MGAT4C: variants seen among roughly 807,000 people sequenced by gnomAD.
MGAT4C encodes alpha-1,3-mannosyl-glycoprotein 4-beta-N-acetylglucosaminyltransferase C.
MGAT4C carries 19 observed loss-of-function variants against 40.1 expected under a neutral mutation model. The ratio of observed to expected loss-of-function variants is 0.47; its 90% CI spans 0.33 to 0.70. The LOEUF (loss-of-function observed/expected upper bound fraction) is 0.70. MGAT4C is among the 30% of genes least tolerant of loss of function. The pLI is 0.02. For synonymous variants in MGAT4C, 181 were observed against 187.1 expected (o/e 0.97, Z 0.27); for missense variants, 491 against 563.2 (o/e 0.87, Z 1.30).
At position 86,726,202 on chromosome 12, in the gene MGAT4C, C is replaced by T. The variant is rs558022525; in HGVS notation, c.-229+1007G>A. Among the ~76,000 whole-genome samples, 4 of 152,278 alleles carry T rather than the reference C, an allele frequency of 2.6e-5. No homozygotes were observed. The South Asian group carries it at 8.3e-4, about 32-fold the overall frequency. On this transcript the variant is annotated intron_variant, in intron 2 of 7. Coordinates refer to the MGAT4C transcript ENST00000548651. ...ATGTCATAAATATAGCTATGTCTTC[C>T]TCCTAACATTTAAGAAAAAGTTTAT...
chr12:85,993,032 A>C (rs1886146187), intron 2 of MGAT4C, among the ~76,000 whole-genome samples: 2 of 152,224 alleles, frequency 1.3e-5, no homozygotes, highest in Admixed American at 6.5e-5. Context: ...GGCAGGTCCC[A>C]GTCTCAACTG....
intron 2 of MGAT4C, among the ~76,000 whole-genome samples, chr12:86,598,903 A>T (rs942396693): frequency 1.3e-5 from 2 of 152,156 alleles, no homozygotes; most frequent in Admixed American, 6.5e-5. Context: ...TGTCTACACC[A>T]TTTTGTTTAG....
rs1191553497 is a variant in MGAT4C at position 86,177,264 on chromosome 12, T to C, written c.-57+78975A>G. ...GAGAAAGTAATGATGATACTCAGTATGAAAATAGATATTCTGATGGCATTA... is the reference window on the plus strand; with the variant it reads ...GAGAAAGTAATGATGATACTCAGTACGAAAATAGATATTCTGATGGCATTA... On this transcript the variant is annotated intron_variant, in intron 1 of 4. Transcript: ENST00000611864. 2.6e-5 allele frequency among the ~76,000 whole-genome samples: 4 copies of C among 152,210 alleles called. No homozygotes were observed. In the East Asian group the frequency reaches 7.7e-4, roughly 29 times the overall value.
chr12:86,143,611 G>A (rs747097226), intron 1 of MGAT4C, among the ~76,000 whole-genome samples: 21 of 152,090 alleles, frequency 1.4e-4, no homozygotes, highest in Non-Finnish European at 2.6e-4. Flanking sequence ...GGTACTTAAG[G>A]TTCTTTGCTG....
At chr12:86,387,988 T>A (rs1401550882) in intron 3 of MGAT4C, among the ~76,000 whole-genome samples, 1 of 152,194 alleles carries the variant, frequency 6.6e-6, no homozygotes, top group African/African-American at 2.4e-5. Flanking sequence ...AAGATATTAA[T>A]GCTCAGACAC....
chr12:86,783,868 G>C (rs1054177031), intron 1 of MGAT4C, among the ~76,000 whole-genome samples: 1 of 151,984 alleles, frequency 6.6e-6, no homozygotes, highest in African/African-American at 2.4e-5. Context: ...ATTTCTTTTG[G>C]GCATCAAGGA....
intron 2 of MGAT4C, among the ~76,000 whole-genome samples, chr12:86,680,154 A>C (rs1489049536): frequency 6.6e-6 from 1 of 152,034 alleles, no homozygotes; most frequent in African/African-American, 2.4e-5. Context: ...TATTTGACAC[A>C]CAGTAGATGA....
intron 1 of MGAT4C, among the ~76,000 whole-genome samples, chr12:86,837,544 C>T (rs1953061431): frequency 6.6e-6 from 1 of 152,110 alleles, no homozygotes; most frequent in South Asian, 2.1e-4. Context: ...CCAGTCCATA[C>T]AGCAGCAGGT....
chr12:86,252,038 T>G (rs931283496), intron 1 of MGAT4C, among the ~76,000 whole-genome samples: 1 of 152,064 alleles, frequency 6.6e-6, no homozygotes, highest in African/African-American at 2.4e-5. Flanking sequence ...TACTGCTTAA[T>G]AGCTCTAGAT....
At chr12:86,223,606 G>T (rs921535131) in intron 1 of MGAT4C, among the ~76,000 whole-genome samples, 1 of 152,088 alleles carries the variant, frequency 6.6e-6, no homozygotes, top group Admixed American at 6.6e-5. Flanking sequence ...GAACCACCCT[G>T]CCCCTGCCTA....
Position 86,079,893 on chromosome 12 carries a change from A to C in MGAT4C, c.-56-30170T>G, listed in dbSNP as rs889308541. ...AATTTACAGCTCTTAACTCACTGTC[A>C]TTCCAGGTCGTGCTCATTGAAATGA... On this transcript the variant is annotated intron_variant, in intron 1 of 4. Transcript: ENST00000611864. Among the ~76,000 whole-genome samples, 6 of 152,134 alleles carry C rather than the reference A, an allele frequency of 3.9e-5. No homozygotes were observed. In the East Asian group the frequency reaches 1.2e-3, roughly 29 times the overall value.
At chr12:86,479,349 G>A (rs1957894926) in intron 2 of MGAT4C, among the ~76,000 whole-genome samples, 1 of 151,876 alleles carries the variant, frequency 6.6e-6, no homozygotes, top group Non-Finnish European at 1.5e-5. Flanking sequence ...ATACTATCTA[G>A]AATTTTCAAA....
intron 2 of MGAT4C, among the ~76,000 whole-genome samples, chr12:86,631,487 C>T (rs939668025): frequency 5.9e-5 from 9 of 152,136 alleles, no homozygotes; most frequent in African/African-American, 2.2e-4. Flanking sequence ...AGGCATCATG[C>T]TACCTGACTT....
At chr12:86,381,883 T>C (rs1174396936) in intron 3 of MGAT4C, among the ~76,000 whole-genome samples, 19 of 151,728 alleles carry the variant, frequency 1.3e-4, no homozygotes, top group Admixed American at 1.1e-3. Context: ...AAAATGGGAG[T>C]CTCCCTGCAC....
At chr12:86,803,407 T>C (rs1952272953) in intron 1 of MGAT4C, among the ~76,000 whole-genome samples, 3 of 151,482 alleles carry the variant, frequency 2.0e-5, no homozygotes, top group African/African-American at 7.3e-5. Context: ...AAGACAAAAT[T>C]GACAAATGGG....
At chr12:86,026,679 C>T (rs1890273472) in intron 2 of MGAT4C, among the ~76,000 whole-genome samples, 1 of 151,878 alleles carries the variant, frequency 6.6e-6, no homozygotes, top group African/African-American at 2.4e-5. Context: ...TCCCCTTAGT[C>T]TTGTAATATA....
chr12:86,265,078 C>A (rs766106662), intron 4 of MGAT4C, among the ~76,000 whole-genome samples: 3 of 152,304 alleles, frequency 2.0e-5, no homozygotes, highest in Admixed American at 6.5e-5. Flanking sequence ...AGCCGGCACC[C>A]GTGCGGGCAC....
chr12:86,801,071 C>A (rs896529033), intron 1 of MGAT4C, among the ~76,000 whole-genome samples: 1 of 151,908 alleles, frequency 6.6e-6, no homozygotes, highest in African/African-American at 2.4e-5. Flanking sequence ...TTCTGTTTCT[C>A]ATTCACTGAC....
chr12:86,604,985 G>A (rs979920148), intron 2 of MGAT4C, among the ~76,000 whole-genome samples: 7 of 152,182 alleles, frequency 4.6e-5, no homozygotes, highest in African/African-American at 1.7e-4. Flanking sequence ...AAAGACCACA[G>A]AATACAGGAA....
Sources: allele counts gnomAD v4.1 joint callset (sites outside exome capture counted in the v4.1 genomes callset), GRCh38; gene constraint gnomAD v4.1.1; transcripts MANE v1.5; gene names NCBI Gene and HGNC (gene_info 2026-07-23, HGNC 2026-07-21).